IGSF21: variants seen among roughly 807,000 people sequenced by gnomAD.
IGSF21 encodes the protein immunoglobulin superfamily member 21.
In IGSF21, 28 loss-of-function variants were observed where a neutral mutation model predicts 46.8. The ratio of observed to expected loss-of-function variants is 0.60; its 90% confidence interval spans 0.44 to 0.82. The LOEUF is 0.82. Ranked by LOEUF, IGSF21 falls within the 40% of genes least tolerant of loss-of-function variation. IGSF21 has a pLI of 0.00. For missense variants in IGSF21, 624 were observed against 665.5 expected (o/e 0.94, Z 0.69); for synonymous variants, 284 against 273.6 (o/e 1.04, Z -0.38).
At chr1:18,121,780 T>A (rs1334117505) in intron 1 of IGSF21, among the ~76,000 whole-genome samples, 1 of 151,882 alleles carries the variant, frequency 6.6e-6, no homozygotes, top group African/African-American at 2.4e-5. Context: ...GGGGGAAAAA[T>A]TTCACCCACA....
In IGSF21 at chr1:18,335,558, T is replaced by C. The variant is rs1299928211; in HGVS notation, c.424+548T>C. On this transcript the variant is annotated intron_variant, in intron 4 of 9. Transcript: ENST00000251296. The surrounding 1 kb of genome is among the most constrained non-coding windows in gnomAD (Gnocchi z 4.8). ...AGTCTATCCCCATCCCAGACTCAGTTTTCCCATGTGTAAAACAAGAATGCT... is the reference window on the plus strand; with the variant it reads ...AGTCTATCCCCATCCCAGACTCAGTCTTCCCATGTGTAAAACAAGAATGCT... Among the ~76,000 whole-genome samples the C allele has an allele frequency of 6.6e-6, 1 of 152,118 alleles. No individual in the cohort carries two copies. The highest frequency in any genetic ancestry group is 2.4e-5 in the African/African-American group (1 of 41,410).
intron 1 of IGSF21, among the ~76,000 whole-genome samples, chr1:18,174,540 G>C (rs11260948): frequency 0.011 from 1,601 of 152,248 alleles, 30 homozygotes; most frequent in African/African-American, 0.037. Flanking sequence ...ATGTTGTCAC[G>C]ACCCACCCAC....
intron 1 of IGSF21, among the ~76,000 whole-genome samples, chr1:18,177,300 C>T (rs1006708963): frequency 8.5e-5 from 13 of 152,114 alleles, no homozygotes; most frequent in Non-Finnish European, 1.9e-4. Flanking sequence ...CAAGGTTTTT[C>T]CTTTGCCCCG....
Position 18,357,471 on chromosome 1 carries a change from G to A in IGSF21, c.425-4644G>A, listed in dbSNP as rs77677826. Among the ~76,000 whole-genome samples the A allele has an allele frequency of 4.0e-4, 30 of 75,528 alleles. 1 individual carries two copies. Among genetic ancestry groups the A allele is most frequent in the East Asian group, 3.3e-3 (6 of 1,796 alleles). The allele number at this position is 75,528 out of a possible 152,430, so 49.5% of individuals were successfully genotyped here. On this transcript the variant is annotated intron_variant, in intron 4 of 9. Transcript: ENST00000251296. ...GGGCATGGGGATGGGAATGGAGATG[G>A]GGGATGAGGTGGGGATGGGGATGGG... is the stretch of plus-strand genomic sequence containing the variant.
intron 2 of IGSF21, among the ~76,000 whole-genome samples, chr1:18,252,173 C>T (rs561055292): frequency 9.9e-5 from 15 of 151,574 alleles, no homozygotes; most frequent in Middle Eastern, 6.8e-3. Context: ...GCCTCAGCCT[C>T]CCAAGTAGCT....
intron 1 of IGSF21, chr1:18,115,835 AAGG>A (rs1557543348): frequency 4.1e-5 from 4 of 97,904 alleles, no homozygotes; most frequent in South Asian, 6.6e-4. Context: ...GGAAGGAAGG[AAGG>A]AAGGAAGAAA....
chr1:18,237,062 C>T (rs2084679823), intron 2 of IGSF21, among the ~76,000 whole-genome samples: 1 of 152,198 alleles, frequency 6.6e-6, no homozygotes, highest in Non-Finnish European at 1.5e-5. Flanking sequence ...ATTGAATCCA[C>T]TCCTATTTGC....
chr1:18,227,965 T>C lies in IGSF21; in HGVS notation c.138T>C (p.Cys46=). ...VVAGDAVTLK[C]NFKTDGRMRE... ...CTGGAGACGCCGTGACTTTGAAGTGTAACTTCAAGACAGATGGGCGCATGC... is the reference window on the plus strand; with the variant it reads ...CTGGAGACGCCGTGACTTTGAAGTGCAACTTCAAGACAGATGGGCGCATGC... The change falls in exon 2 of 10, where the codon TGT becomes TGC. Residue 46 remains cysteine (C), a synonymous_variant. Coordinates refer to ENST00000251296, the MANE Select transcript of IGSF21 (RefSeq NM_032880.5). The C allele has an allele frequency of 8.1e-6, 13 of 1,614,018 alleles. No individual in the cohort carries two copies. The highest frequency in any genetic ancestry group is 1.1e-5 in the Non-Finnish European group (13 of 1,179,906).
At chr1:18,250,222 G>A (rs969563278) in intron 2 of IGSF21, among the ~76,000 whole-genome samples, 1 of 151,250 alleles carries the variant, frequency 6.6e-6, no homozygotes, top group Non-Finnish European at 1.5e-5. Context: ...TTCTGACGAT[G>A]CTCTCAGGTG....
chr1:18,219,021 A>G (rs2084480838), intron 1 of IGSF21, among the ~76,000 whole-genome samples: 1 of 152,226 alleles, frequency 6.6e-6, no homozygotes, highest in Non-Finnish European at 1.5e-5. Flanking sequence ...GATCAATAGA[A>G]ATTATCCACT....
intron 2 of IGSF21, among the ~76,000 whole-genome samples, chr1:18,255,140 G>T (rs1200610901): frequency 6.6e-6 from 1 of 152,224 alleles, no homozygotes; most frequent in Non-Finnish European, 1.5e-5. Context: ...CTGTAGAGAT[G>T]TGCATGAAGA....
In IGSF21 at chr1:18,377,388, A is replaced by C. The variant is rs370172904; in HGVS notation, c.1295-5A>C. ...TTTGGTTCTCTTTCTGTTTCTTTCC[A>C]ACAGAAAACCCAAATATCCCAAGAG... On this transcript the variant is annotated splice_region_variant and splice_polypyrimidine_tract_variant and intron_variant, in intron 8 of 9. Transcript: ENST00000251296. 430 of 1,613,080 alleles carry C rather than the reference A, an allele frequency of 2.7e-4. 3 individuals carry two copies. Among genetic ancestry groups the C allele is most frequent in the South Asian group, 9.6e-4 (87 of 91,060 alleles).
rs575075120 is a variant in IGSF21 at position 18,162,860 on chromosome 1, C to T, written c.70+54662C>T. ...AAACCAGGCCAAAAGGAAGGAGCCG[C>T]TCTCCTGGGGACAATGATGGTAAGT... On this transcript the variant is annotated intron_variant, in intron 1 of 9. Transcript: ENST00000251296. 4.6e-5 allele frequency among the ~76,000 whole-genome samples: 7 copies of T among 152,266 alleles called. No homozygotes were observed. The South Asian group carries it at 1.5e-3, about 32-fold the overall frequency.
At chr1:18,279,893 T>C (rs1028530992) in intron 2 of IGSF21, among the ~76,000 whole-genome samples, 2 of 152,218 alleles carry the variant, frequency 1.3e-5, no homozygotes, top group African/African-American at 4.8e-5. Flanking sequence ...CGGCCGATCA[T>C]GCTGACACAG....
intron 2 of IGSF21, among the ~76,000 whole-genome samples, chr1:18,283,710 TC>T (rs2085185244): frequency 6.6e-6 from 1 of 151,900 alleles, no homozygotes; most frequent in African/African-American, 2.4e-5. Flanking sequence ...GAATACCTAC[TC>T]CCTTTCTTGC....
At position 18,359,338 on chromosome 1, in the gene IGSF21, A is replaced by AAAAAAAAGAAAGAAAGAAAGAAAG. The variant is rs1553166308; in HGVS notation, c.425-2774_425-2773insAAAAGAAAGAAAGAAAGAAAGAAA. Among the ~76,000 whole-genome samples the AAAAAAAAGAAAGAAAGAAAGAAAG allele has an allele frequency of 1.0e-3, 36 of 35,374 alleles. 1 individual carries two copies. The highest frequency in any genetic ancestry group is 4.8e-3 in the South Asian group (4 of 836). The allele number at this position is 35,374 out of a possible 152,430, so 23.2% of individuals were successfully genotyped here. A position where few individuals can be genotyped will look rare whatever the true frequency, so the allele number is the denominator to read the frequency against. ...AAAGAGAGAGAGAGAAAGAGAAAGA[A>AAAAAAAAGAAAGAAAGAAAGAAAG]AAAGAAAGAAAGAAAGAAAGAAAGA... On this transcript the variant is annotated intron_variant, in intron 4 of 9. Coordinates refer to ENST00000251296, the MANE Select transcript of IGSF21 (RefSeq NM_032880.5).
intron 1 of IGSF21, among the ~76,000 whole-genome samples, chr1:18,164,981 G>A (rs1360363780): frequency 4.1e-5 from 6 of 147,370 alleles, no homozygotes; most frequent in East Asian, 4.0e-4. Flanking sequence ...GAGAACATGC[G>A]GTGTTTGGTT....
intron 2 of IGSF21, among the ~76,000 whole-genome samples, chr1:18,265,074 A>G (rs897794250): frequency 6.6e-6 from 1 of 152,182 alleles, no homozygotes; most frequent in Non-Finnish European, 1.5e-5. Context: ...GATTTATTTT[A>G]TTTTGTTCTA....
intron 2 of IGSF21, among the ~76,000 whole-genome samples, chr1:18,260,379 T>C (rs2084935586): frequency 6.6e-6 from 1 of 152,026 alleles, no homozygotes; most frequent in Admixed American, 6.5e-5. Flanking sequence ...CCCGGGAGGG[T>C]TCTTGGCTTC....
Sources: gnomAD v4.1 joint callset for allele counts (sites outside exome capture counted in the v4.1 genomes callset) on GRCh38, gnomAD v4.1.1 for gene constraint, Gnocchi (gnomAD v3.1) non-coding constraint, MANE v1.5 for transcripts, NCBI Gene and HGNC (gene_info 2026-07-23, HGNC 2026-07-21) for gene names.